Variants in ADGB observed in about 807,000 individuals in gnomAD.
ADGB encodes the protein calpain-7-like protein.
ADGB carries 172 observed loss-of-function variants against 210.5 expected under a neutral mutation model. The ratio of observed to expected loss-of-function variants is 0.82; its 90% CI spans 0.72 to 0.93. ADGB has a LOEUF of 0.93. Among genes scored for constraint, ADGB ranks in the 40% least tolerant of loss-of-function variants. The probability of loss-of-function intolerance (pLI) is 0.00; values close to 1 mark genes in which losing one functional copy is unlikely to be tolerated. For synonymous variants in ADGB, 658 were observed against 662.7 expected, an observed-to-expected ratio of 0.99 and a Z score of 0.11; for missense variants, 2,025 against 1,964.8, an observed-to-expected ratio of 1.03 and a Z score of -0.58.
At chr6:146,639,015 A>T (rs1289524163) in intron 2 of ADGB, 1 of 152,852 alleles carries the variant, frequency 6.5e-6, no homozygotes, top group Non-Finnish European at 1.5e-5. Flanking sequence ...CATTTCCCTG[A>T]TATTGGTAAT....
chr6:146,716,476 C>A (rs1322520008), intron 14 of ADGB, among the ~76,000 whole-genome samples: 2 of 141,728 alleles, frequency 1.4e-5, no homozygotes, highest in Admixed American at 1.3e-4. Flanking sequence ...GCCTGTAGTC[C>A]CAGCTACTCG....
intron 27 of ADGB, among the ~76,000 whole-genome samples, chr6:146,760,280 G>T (rs1777465821): frequency 1.3e-5 from 2 of 151,702 alleles, no homozygotes; most frequent in Admixed American, 1.3e-4. Context: ...CCTCAAAGAG[G>T]CAATCACTGT....
chr6:146,651,782 C>A (rs1209700067), intron 3 of ADGB, among the ~76,000 whole-genome samples: 1 of 152,072 alleles, frequency 6.6e-6, no homozygotes, highest in East Asian at 1.9e-4. Flanking sequence ...TAAGTGAGCA[C>A]TGTGCATGGA....
intron 14 of ADGB, 122 bp from the exon 15 acceptor site, chr6:146,716,761 T>G: frequency 1.2e-6 from 1 of 865,890 alleles, no homozygotes; most frequent in Non-Finnish European, 1.7e-6. Flanking sequence ...GAAGCCTGGA[T>G]TATCTCATAA....
chr6:146,784,938 C>T (rs930039717), intron 31 of ADGB, 144 bp downstream of exon 31: 34 of 814,780 alleles, frequency 4.2e-5, no homozygotes, highest in African/African-American at 2.1e-4. Context: ...TGAATAACTA[C>T]GTTAGGACCA....
chr6:146,668,299 G>A (rs149102545), intron 7 of ADGB, among the ~76,000 whole-genome samples: 2 of 152,198 alleles, frequency 1.3e-5, no homozygotes, highest in African/African-American at 2.4e-5. Flanking sequence ...GTAATAGGAA[G>A]CTGCAATTCC....
intron 35 of ADGB, among the ~76,000 whole-genome samples, chr6:146,809,653 A>G (rs1778272285): frequency 6.6e-6 from 1 of 152,202 alleles, no homozygotes; most frequent in Non-Finnish European, 1.5e-5. Context: ...GCTTAAAAAT[A>G]TTTAATACTC....
At chr6:146,721,717 A>G (rs1776817738) in intron 17 of ADGB, among the ~76,000 whole-genome samples, 1 of 152,134 alleles carries the variant, frequency 6.6e-6, no homozygotes, top group African/African-American at 2.4e-5. Context: ...ACGTACCTGT[A>G]TTCCCAGCTA....
intron 13 of ADGB, among the ~76,000 whole-genome samples, chr6:146,701,530 G>A (rs917635091): frequency 6.6e-6 from 1 of 151,766 alleles, no homozygotes; most frequent in Non-Finnish European, 1.5e-5. Context: ...CACTATTCTT[G>A]CTTTTTGTTT....
intron 33 of ADGB, among the ~76,000 whole-genome samples, chr6:146,796,040 G>C (rs1299715160): frequency 6.6e-6 from 1 of 152,046 alleles, no homozygotes. Context: ...AAGTAGCACT[G>C]TTATACACCA....
In ADGB at chr6:146,812,454, G is replaced by C. The variant is rs563594608; in HGVS notation, c.4819-2578G>C. 4.6e-5 allele frequency among the ~76,000 whole-genome samples: 7 copies of C among 152,356 alleles called. No individual in the cohort carries two copies. The South Asian group carries it at 8.3e-4, about 18-fold the overall frequency. On this transcript the variant is annotated intron_variant, in intron 35 of 35. Transcript: ENST00000397944. Reference sequence around the variant, plus strand: ...TCAATGTTTATACATTTCTTTAAAGGGGGGAAGGCATGTAGGAAAAGGCAG... The same window carrying C: ...TCAATGTTTATACATTTCTTTAAAGCGGGGAAGGCATGTAGGAAAAGGCAG...
intron 4 of ADGB, among the ~76,000 whole-genome samples, chr6:146,655,301 A>G (rs1775763400): frequency 1.3e-5 from 2 of 152,144 alleles, no homozygotes; most frequent in African/African-American, 4.8e-5. Flanking sequence ...GTGATGTTGT[A>G]TGATGTGATA....
Position 146,724,175 on chromosome 6 carries a change from T to C in ADGB, c.2096-11T>C, listed in dbSNP as rs1184325203. 1 of 1,541,228 alleles carries C rather than the reference T, an allele frequency of 6.5e-7. No individual in the cohort carries two copies. Among genetic ancestry groups the C allele is most frequent in the Non-Finnish European group, 8.7e-7 (1 of 1,143,944 alleles). On this transcript the variant is annotated splice_polypyrimidine_tract_variant and intron_variant, in intron 17 of 35. Coordinates refer to ENST00000397944, the MANE Select transcript of ADGB (RefSeq NM_024694.4). The stretch of plus-strand genomic sequence containing the variant: ...TGATCAAACTTTAATACCTTTTTAC[T>C]TATCTTAAAGCCTTAACAAAAGACA...
chr6:146,683,284 G>T (rs1776181686), intron 9 of ADGB, among the ~76,000 whole-genome samples: 1 of 152,056 alleles, frequency 6.6e-6, no homozygotes, highest in Non-Finnish European at 1.5e-5. Flanking sequence ...ACACAGATCT[G>T]CAGTGTTACA....
rs1776024084 is a variant in ADGB at position 146,672,484 on chromosome 6, C to G, written c.1087+17C>G. ...TTCCAAAGGGTAAGATATTTTACAT[C>G]AAAATGTGATTCAGTATGGACATTG... On this transcript the variant is annotated intron_variant, in intron 8 of 35. Coordinates refer to ENST00000397944, the MANE Select transcript of ADGB (RefSeq NM_024694.4). 6.6e-7 allele frequency: 1 copy of G among 1,519,480 alleles called. No homozygotes were observed. The highest frequency in any genetic ancestry group is 2.3e-5 in the Admixed American group (1 of 44,418). The allele number at this position is 1,519,480 out of a possible 1,614,324, so 94.1% of individuals were successfully genotyped here. A position where few individuals can be genotyped will look rare whatever the true frequency, so the allele number is the denominator to read the frequency against.
chr6:146,680,929 A>G (rs1187218649), intron 9 of ADGB, among the ~76,000 whole-genome samples: 3 of 152,274 alleles, frequency 2.0e-5, no homozygotes, highest in East Asian at 1.9e-4. Context: ...ATACTCTAGC[A>G]TGTGAATTCT....
chr6:146,776,784 T>C (rs1420680456), intron 29 of ADGB, among the ~76,000 whole-genome samples: 6 of 152,160 alleles, frequency 3.9e-5, no homozygotes, highest in Non-Finnish European at 7.3e-5. Context: ...TGATACCAGA[T>C]ATGATCCTAT....
chr6:146,611,015 C>T (rs2114829730), intron 1 of ADGB, among the ~76,000 whole-genome samples: 1 of 152,190 alleles, frequency 6.6e-6, no homozygotes, highest in Middle Eastern at 3.4e-3. Flanking sequence ...CCCACATATA[C>T]AAGCACATTG....
At chr6:146,784,895 G>A (rs1777851777) in intron 31 of ADGB, 101 bp downstream of exon 31, 10 of 1,190,548 alleles carry the variant, frequency 8.4e-6, no homozygotes, top group Non-Finnish European at 1.0e-5. Flanking sequence ...CTGTCCTTTA[G>A]TAATGGTATC....
Sources: gnomAD v4.1 joint callset for allele counts (sites outside exome capture counted in the v4.1 genomes callset) on GRCh38, gnomAD v4.1.1 for gene constraint, MANE v1.5 for transcripts, NCBI Gene and HGNC (gene_info 2026-07-23, HGNC 2026-07-21) for gene names.